CDH13: variants seen among roughly 807,000 people sequenced by gnomAD.
The protein encoded by CDH13 is cadherin 13, also known as cadherin-13.
A neutral mutation model predicts 63.8 loss-of-function variants in CDH13; 24 were observed. That is an observed-to-expected ratio of 0.38 (90% CI 0.27 to 0.53). The LOEUF (loss-of-function observed/expected upper bound fraction) is 0.53, where lower values mean the gene tolerates loss of function less well. Among genes scored for constraint, CDH13 ranks in the 20% least tolerant of loss-of-function variants. The pLI, the probability that CDH13 is intolerant of heterozygous loss-of-function variation, is 0.85. For synonymous variants in CDH13, 503 were observed against 355.3 expected (o/e 1.42, Z -4.67); for missense variants, 1,049 against 903.1 (o/e 1.16, Z -2.07).
chr16:83,460,244 C>T (rs1036290687), intron 6 of CDH13, among the ~76,000 whole-genome samples: 1 of 152,274 alleles, frequency 6.6e-6, no homozygotes, highest in East Asian at 1.9e-4. Context: ...CCTAGAAATG[C>T]CAAGCTTTGG....
chr16:83,735,401 T>C (rs1317111110), intron 10 of CDH13: 1 of 152,206 alleles, frequency 6.6e-6, no homozygotes, highest in Non-Finnish European at 1.5e-5. Context: ...TTGTCATGGA[T>C]TTACTTATGA....
intron 3 of CDH13, among the ~76,000 whole-genome samples, chr16:83,093,260 CATT>C (rs992413732): frequency 1.2e-4 from 16 of 132,542 alleles, no homozygotes; most frequent in African/African-American, 4.1e-4. Flanking sequence ...CAGTTGAACA[CATT>C]TGGATTTGTC....
chr16:82,865,196 C>T (rs888170490), intron 2 of CDH13, among the ~76,000 whole-genome samples: 10 of 152,280 alleles, frequency 6.6e-5, no homozygotes, highest in Admixed American at 5.9e-4. Flanking sequence ...TCCGGGAGGA[C>T]AGTGCAAGCT....
At chr16:83,403,865 G>T (rs933719446) in intron 6 of CDH13, among the ~76,000 whole-genome samples, 2 of 152,264 alleles carry the variant, frequency 1.3e-5, no homozygotes, top group Non-Finnish European at 2.9e-5. Context: ...AAAATAAAAG[G>T]AAGGTGATTT....
chr16:83,246,717 C>T lies in CDH13; in HGVS notation c.636+29220C>T, dbSNP rs529948537. Among the ~76,000 whole-genome samples, 47 of 152,312 alleles carry T rather than the reference C, an allele frequency of 3.1e-4. No homozygotes were observed. In the South Asian group the frequency reaches 3.7e-3, roughly 12 times the overall value. ...CTTTGAGGCCCCTATGTTTACTCTT[C>T]GCCGGTGTTGCTGCCAGAAGCTTAA... is the stretch of plus-strand genomic sequence containing the variant. On this transcript the variant is annotated intron_variant, in intron 5 of 13. Transcript: ENST00000567109.
At chr16:82,887,134 G>A (rs1195150090) in intron 2 of CDH13, among the ~76,000 whole-genome samples, 1 of 152,126 alleles carries the variant, frequency 6.6e-6, no homozygotes, top group Non-Finnish European at 1.5e-5. Flanking sequence ...AACCACTTTC[G>A]AACTTGTGCC....
At chr16:82,946,094 A>C (rs1244524849) in intron 2 of CDH13, among the ~76,000 whole-genome samples, 4 of 151,974 alleles carry the variant, frequency 2.6e-5, no homozygotes, top group Non-Finnish European at 5.9e-5. Flanking sequence ...GGACAGTATA[A>C]GTCTTTCTGA....
intron 6 of CDH13, among the ~76,000 whole-genome samples, chr16:83,464,685 A>T (rs1296538610): frequency 1.3e-5 from 2 of 152,218 alleles, no homozygotes; most frequent in Admixed American, 6.5e-5. Flanking sequence ...GGATACCCCA[A>T]GGCTGGACGG....
intron 6 of CDH13, among the ~76,000 whole-genome samples, chr16:83,346,268 T>A (rs973618224): frequency 1.3e-5 from 2 of 152,124 alleles, no homozygotes; most frequent in Admixed American, 1.3e-4. Flanking sequence ...TCAGGTCACT[T>A]CAGGGCAGAC....
Position 83,239,199 on chromosome 16 carries a change from C to T in CDH13, c.636+21702C>T, listed in dbSNP as rs559723666. On this transcript the variant is annotated intron_variant, in intron 5 of 13. Transcript: ENST00000567109. ...GTGAGGTTTCATTAATATGAGAGAT[C>T]AACAGTAGTTCAGTTATAAGTTATC... Among the ~76,000 whole-genome samples, 5 of 152,104 alleles carry T rather than the reference C, an allele frequency of 3.3e-5. No homozygotes were observed. In the South Asian group the frequency reaches 1.0e-3, roughly 32 times the overall value.
intron 5 of CDH13, among the ~76,000 whole-genome samples, chr16:83,267,021 A>G (rs4782764): frequency 0.21 from 31,872 of 152,076 alleles, 3,563 homozygotes; most frequent in African/African-American, 0.27. Context: ...CTACTTAAAC[A>G]TCGTCATCTG....
intron 8 of CDH13, among the ~76,000 whole-genome samples, chr16:83,657,313 G>A (rs1912956792): frequency 6.6e-6 from 1 of 152,184 alleles, no homozygotes. Context: ...GACAGTGAGT[G>A]ACATTATGAG....
chr16:83,442,592 C>G (rs2072511170), intron 6 of CDH13, among the ~76,000 whole-genome samples: 1 of 152,060 alleles, frequency 6.6e-6, no homozygotes, highest in African/African-American at 2.4e-5. Context: ...ATAGTCAATA[C>G]TTCAGCCTTT....
chr16:82,977,792 G>T (rs1227296825), intron 2 of CDH13, among the ~76,000 whole-genome samples: 1 of 152,196 alleles, frequency 6.6e-6, no homozygotes, highest in African/African-American at 2.4e-5. Flanking sequence ...ACAGGCAGAG[G>T]TAGGAACAGT....
intron 6 of CDH13, among the ~76,000 whole-genome samples, chr16:83,421,198 A>G (rs1567660973): frequency 6.6e-6 from 1 of 152,234 alleles, no homozygotes; most frequent in Non-Finnish European, 1.5e-5. Context: ...CCAGAGAAGG[A>G]GAAAACTCTC....
chr16:82,781,732 G>T (rs1051218895), intron 1 of CDH13, among the ~76,000 whole-genome samples: 1 of 152,030 alleles, frequency 6.6e-6, no homozygotes, highest in Admixed American at 6.6e-5. Context: ...ATCCATCCAC[G>T]TAACCACTCA....
chr16:83,477,213 AAAC>A (rs2151548270), intron 6 of CDH13, among the ~76,000 whole-genome samples: 1 of 152,358 alleles, frequency 6.6e-6, no homozygotes, highest in South Asian at 2.1e-4. Flanking sequence ...GTATAAAAAT[AAAC>A]AACCTTTGAA....
chr16:82,793,887 A>T (rs2036444098), intron 1 of CDH13, among the ~76,000 whole-genome samples: 1 of 152,178 alleles, frequency 6.6e-6, no homozygotes, highest in African/African-American at 2.4e-5. Context: ...AAAATATGGG[A>T]CAGGCTGGGG....
At chr16:83,312,508 G>C (rs567929990) in intron 5 of CDH13, among the ~76,000 whole-genome samples, 138 of 152,214 alleles carry the variant, frequency 9.1e-4, no homozygotes, top group Non-Finnish European at 1.5e-3. Flanking sequence ...TTTGTTTCTT[G>C]GTTCCTGTTG....
Sources: gnomAD v4.1 joint callset for allele counts (sites outside exome capture counted in the v4.1 genomes callset) on GRCh38, gnomAD v4.1.1 for gene constraint, MANE v1.5 for transcripts, NCBI Gene and HGNC (gene_info 2026-07-23, HGNC 2026-07-21) for gene names.